SORCS1: variants seen among roughly 807,000 people sequenced by gnomAD.
SORCS1 encodes VPS10 domain-containing receptor SorCS1.
Under a neutral mutation model 146.1 loss-of-function variants are expected in SORCS1, and 60 were observed. The observed-to-expected ratio is 0.41, with a 90% CI of 0.33 to 0.51. The LOEUF (loss-of-function observed/expected upper bound fraction) is 0.51, where lower values mean the gene tolerates loss of function less well. Ranked by LOEUF, SORCS1 falls within the 20% of genes least tolerant of loss-of-function variation. The pLI is 0.21. For synonymous variants in SORCS1, 637 were observed against 584.0 expected (o/e 1.09, Z -1.31); for missense variants, 1,352 against 1,487.6 (o/e 0.91, Z 1.50).
At position 106,674,328 on chromosome 10, in the gene SORCS1, CAAAAAAAAAAAAAAAAA is replaced by C. The variant is rs10658432; in HGVS notation, c.1940+704_1940+720del. The stretch of plus-strand genomic sequence containing the variant: ...TGGGCGACAGAGTAAGACTCCGTCT[CAAAAAAAAAAAAAAAAA>C]AAAAAAAAAAAAGTAGTAGTGGTAG... On this transcript the variant is annotated intron_variant, in intron 14 of 25. Coordinates refer to ENST00000263054, the MANE Select transcript of SORCS1 (RefSeq NM_052918.5). Among the ~76,000 whole-genome samples, 203 of 27,380 alleles carry C rather than the reference CAAAAAAAAAAAAAAAAA, an allele frequency of 7.4e-3. 6 individuals are homozygous for C. The highest frequency in any genetic ancestry group is 0.025 in the Middle Eastern group (1 of 40). 18.0% of individuals were successfully genotyped at this position (27,380 alleles called of 152,430 possible).
At chr10:106,784,793 A>G (rs1312980689) in intron 3 of SORCS1, among the ~76,000 whole-genome samples, 1 of 152,242 alleles carries the variant, frequency 6.6e-6, no homozygotes, top group Non-Finnish European at 1.5e-5. Flanking sequence ...ATGATAAAGA[A>G]ACACAGGTGA....
At chr10:106,965,632 G>GT (rs1278619616) in intron 1 of SORCS1, among the ~76,000 whole-genome samples, 1 of 152,158 alleles carries the variant, frequency 6.6e-6, no homozygotes, top group Non-Finnish European at 1.5e-5. Flanking sequence ...GAGAAGCTAA[G>GT]TAAGTTAAAT....
intron 3 of SORCS1, among the ~76,000 whole-genome samples, chr10:106,816,082 T>C (rs1170882957): frequency 6.6e-6 from 1 of 152,198 alleles, no homozygotes; most frequent in Non-Finnish European, 1.5e-5. Flanking sequence ...ATTTGGTTGG[T>C]AGAATTTGGG....
In SORCS1 at chr10:107,137,459, C is replaced by T. The variant is rs553846126; in HGVS notation, c.558+26510G>A. On this transcript the variant is annotated intron_variant, in intron 1 of 25. Transcript: ENST00000263054. ...ACTGCCCTGCCAGACTAGCCTACAT[C>T]CCCTCCATATGTACTAGAATGTATC... Among the ~76,000 whole-genome samples, 339 of 152,326 alleles carry T rather than the reference C, an allele frequency of 2.2e-3. 1 individual carries two copies. The highest frequency in any genetic ancestry group is 3.9e-3 in the Non-Finnish European group (265 of 68,032).
chr10:106,640,992 T>G (rs1564807928), intron 18 of SORCS1, among the ~76,000 whole-genome samples: 1 of 151,960 alleles, frequency 6.6e-6, no homozygotes, highest in Non-Finnish European at 1.5e-5. Context: ...TGTGTGCGCG[T>G]GCATGTGTGT....
chr10:106,709,086 TC>T (rs1305325501), intron 7 of SORCS1, 136 bp downstream of exon 7: 3 of 625,242 alleles, frequency 4.8e-6, no homozygotes, highest in Non-Finnish European at 8.6e-6. Flanking sequence ...ATAGTGATTT[TC>T]CCCTCTCTCC....
At chr10:106,979,377 G>A (rs1186358660) in intron 1 of SORCS1, among the ~76,000 whole-genome samples, 1 of 151,980 alleles carries the variant, frequency 6.6e-6, no homozygotes, top group African/African-American at 2.4e-5. Flanking sequence ...GGTGCTACAG[G>A]GGGATTTAGA....
intron 1 of SORCS1, among the ~76,000 whole-genome samples, chr10:107,109,452 T>G (rs1022514482): frequency 6.6e-6 from 1 of 152,206 alleles, no homozygotes; most frequent in African/African-American, 2.4e-5. Context: ...AGCAGTAGCC[T>G]GAGCTATATC....
Position 106,776,570 on chromosome 10 carries a change from T to C in SORCS1, c.849A>G (p.Gln283=), listed in dbSNP as rs1288868275. The C allele has an allele frequency of 6.2e-7, 1 of 1,614,068 alleles. No homozygotes were observed. Among genetic ancestry groups the C allele is most frequent in the Non-Finnish European group, 8.5e-7 (1 of 1,179,942 alleles). ...YIQSLLFHPK[Q]EDWILAYSQD... ...GACTGTATGCCAGAATCCAGTCTTC[T>C]TGTTTGGGGTGAAAAAGCAAGCTTT... The change falls in exon 4 of 26, where the codon CAA becomes CAG. Residue 283 remains glutamine, a synonymous_variant. Coordinates refer to ENST00000263054, the MANE Select transcript of SORCS1 (RefSeq NM_052918.5).
intron 8 of SORCS1, among the ~76,000 whole-genome samples, chr10:106,702,477 G>A (rs935037807): frequency 3.3e-5 from 5 of 152,132 alleles, no homozygotes; most frequent in East Asian, 3.9e-4. Context: ...CACCTATACC[G>A]GCCACTTCTC....
chr10:107,034,372 A>C (rs946044923), intron 1 of SORCS1, among the ~76,000 whole-genome samples: 7 of 151,864 alleles, frequency 4.6e-5, no homozygotes, highest in Non-Finnish European at 8.8e-5. Context: ...TTTCCTTCAT[A>C]TATCAATTAA....
chr10:106,950,114 AGT>A (rs1954595273), intron 2 of SORCS1, among the ~76,000 whole-genome samples: 1 of 152,242 alleles, frequency 6.6e-6, no homozygotes, highest in Non-Finnish European at 1.5e-5. Flanking sequence ...TTTAAGGTGC[AGT>A]GAATTGTTCT....
chr10:107,019,428 A>T (rs1958037619), intron 1 of SORCS1, among the ~76,000 whole-genome samples: 1 of 152,158 alleles, frequency 6.6e-6, no homozygotes, highest in Non-Finnish European at 1.5e-5. Context: ...CCACAGAAAT[A>T]TGAGTTGGGA....
At chr10:107,084,261 A>C (rs1963589059) in intron 1 of SORCS1, among the ~76,000 whole-genome samples, 1 of 142,308 alleles carries the variant, frequency 7.0e-6, no homozygotes, top group Non-Finnish European at 1.5e-5. Context: ...ATACCCGGCT[A>C]ATTTTTTTTT....
At chr10:106,891,496 T>C (rs1208235275) in intron 2 of SORCS1, among the ~76,000 whole-genome samples, 1 of 147,878 alleles carries the variant, frequency 6.8e-6, no homozygotes, top group South Asian at 2.1e-4. Context: ...GAAGTTTCAA[T>C]GGGAATTCTT....
chr10:106,956,027 G>A (rs12355641), intron 2 of SORCS1, among the ~76,000 whole-genome samples: 63,636 of 151,856 alleles, frequency 0.42, 16,589 homozygotes, highest in Non-Finnish European at 0.58. Flanking sequence ...CTACTCGGGA[G>A]GCTGAGGCAG....
At chr10:107,118,005 C>A (rs1966147828) in intron 1 of SORCS1, among the ~76,000 whole-genome samples, 1 of 152,038 alleles carries the variant, frequency 6.6e-6, no homozygotes, top group African/African-American at 2.4e-5. Flanking sequence ...TTTCGAGGGG[C>A]TATGGACAGA....
intron 9 of SORCS1, among the ~76,000 whole-genome samples, chr10:106,690,105 C>G (rs1481986660): frequency 1.3e-5 from 2 of 152,210 alleles, no homozygotes; most frequent in African/African-American, 4.8e-5. Context: ...ACTCCAGGAG[C>G]ACTCTACCTC....
intron 1 of SORCS1, among the ~76,000 whole-genome samples, chr10:107,021,338 C>A (rs1430886309): frequency 6.6e-6 from 1 of 151,464 alleles, no homozygotes; most frequent in African/African-American, 2.4e-5. Context: ...TGGTGAAACC[C>A]CGTCTCTACT....
Sources: allele counts gnomAD v4.1 joint callset (sites outside exome capture counted in the v4.1 genomes callset), GRCh38; gene constraint gnomAD v4.1.1; transcripts MANE v1.5; gene names NCBI Gene and HGNC (gene_info 2026-07-23, HGNC 2026-07-21).